RSU1: variants seen among roughly 807,000 people sequenced by gnomAD.
RSU1 encodes the protein rsu-1.
A neutral mutation model predicts 31.1 loss-of-function variants in RSU1; 26 were observed. The observed-to-expected ratio is 0.84, with a 90% CI of 0.61 to 1.16. RSU1 has a LOEUF of 1.16. Ranked by LOEUF, RSU1 falls within the 50% of genes most tolerant of loss-of-function variation. The pLI is 0.00. For missense variants in RSU1, 320 were observed against 339.1 expected, an observed-to-expected ratio of 0.94 and a Z score of 0.44; for synonymous variants, 164 against 136.3, an observed-to-expected ratio of 1.20 and a Z score of -1.41.
chr10:16,777,548 T>G (rs1285213639), intron 3 of RSU1, among the ~76,000 whole-genome samples: 2 of 152,138 alleles, frequency 1.3e-5, no homozygotes, highest in South Asian at 2.1e-4. Context: ...CTGCACAAAA[T>G]TTATTCTCAC....
chr10:16,754,546 CT>C (rs11311165), intron 5 of RSU1, among the ~76,000 whole-genome samples: 37,005 of 134,230 alleles, frequency 0.28, 5,214 homozygotes, highest in African/African-American at 0.51. Flanking sequence ...TAGGAAGATA[CT>C]TTTTTTTTTT....
intron 8 of RSU1, among the ~76,000 whole-genome samples, chr10:16,601,125 T>G (rs978215916): frequency 6.6e-6 from 1 of 152,212 alleles, no homozygotes; most frequent in Non-Finnish European, 1.5e-5. Context: ...TCCGAGCAGC[T>G]GCTCTCCAAG....
chr10:16,667,377 A>C (rs1835015339), intron 8 of RSU1, among the ~76,000 whole-genome samples: 1 of 152,250 alleles, frequency 6.6e-6, no homozygotes, highest in African/African-American at 2.4e-5. Context: ...CTAGCGAGTG[A>C]CATGAACTAG....
chr10:16,784,973 G>C lies in RSU1; in HGVS notation c.110-2889C>G, dbSNP rs1057142765. ...ACTCTTAAACAACTAGATCTCATGA[G>C]AACTCTATCACTATACAGTACAAAG... On this transcript the variant is annotated intron_variant, in intron 2 of 8. Transcript: ENST00000345264. Among the ~76,000 whole-genome samples, 12 of 152,186 alleles carry C rather than the reference G, an allele frequency of 7.9e-5. 1 individual carries two copies. Among genetic ancestry groups the C allele is most frequent in the Admixed American group, 7.9e-4 (12 of 15,280 alleles).
intron 2 of RSU1, among the ~76,000 whole-genome samples, chr10:16,802,517 T>C (rs1838179686): frequency 6.6e-6 from 1 of 152,124 alleles, no homozygotes; most frequent in Non-Finnish European, 1.5e-5. Flanking sequence ...ATTATACCAA[T>C]TCTCTACAAT....
At chr10:16,622,301 CA>C (rs1487945885) in intron 8 of RSU1, among the ~76,000 whole-genome samples, 1 of 152,130 alleles carries the variant, frequency 6.6e-6, no homozygotes, top group Non-Finnish European at 1.5e-5. Context: ...AAATGAAAAA[CA>C]AAAGCATAGA....
chr10:16,739,719 C>T (rs1399349766), intron 7 of RSU1, among the ~76,000 whole-genome samples: 1 of 152,072 alleles, frequency 6.6e-6, no homozygotes, highest in African/African-American at 2.4e-5. Flanking sequence ...TCAAGCAATT[C>T]TCCTGCCTCA....
chr10:16,633,830 C>T (rs1270404223), intron 8 of RSU1, among the ~76,000 whole-genome samples: 4 of 152,154 alleles, frequency 2.6e-5, no homozygotes, highest in African/African-American at 9.7e-5. Context: ...TTGTCCTGCC[C>T]TGGGTGGGTC....
chr10:16,639,580 A>G lies in RSU1; in HGVS notation c.732-46084T>C, dbSNP rs148586527. 1.3e-4 allele frequency among the ~76,000 whole-genome samples: 20 copies of G among 152,344 alleles called. No homozygotes were observed. In the South Asian group the frequency reaches 1.4e-3, roughly 11 times the overall value. On this transcript the variant is annotated intron_variant, in intron 8 of 8. Transcript: ENST00000345264. ...ATGTTTCACATATTTCTGCCAACAT[A>G]TTAACTAATACAGCAAAAGGGATCC...
chr10:16,661,625 A>G (rs1834893108), intron 8 of RSU1, among the ~76,000 whole-genome samples: 1 of 152,212 alleles, frequency 6.6e-6, no homozygotes, highest in African/African-American at 2.4e-5. Flanking sequence ...GCAAAAGCAG[A>G]CACATTTTCC....
At chr10:16,785,039 T>G (rs976665471) in intron 2 of RSU1, among the ~76,000 whole-genome samples, 3 of 152,142 alleles carry the variant, frequency 2.0e-5, no homozygotes, top group African/African-American at 7.2e-5. Context: ...TTGATTGGAT[T>G]GAAAGATGCT....
intron 2 of RSU1, among the ~76,000 whole-genome samples, chr10:16,803,773 AAC>A (rs1838210698): frequency 6.6e-6 from 1 of 152,208 alleles, no homozygotes; most frequent in African/African-American, 2.4e-5. Context: ...GATGGACATC[AAC>A]ACACACACAA....
chr10:16,625,831 G>A (rs1834148678), intron 8 of RSU1, among the ~76,000 whole-genome samples: 1 of 152,194 alleles, frequency 6.6e-6, no homozygotes, highest in South Asian at 2.1e-4. Flanking sequence ...GTCAACACAA[G>A]ATTGAAATCA....
intron 7 of RSU1, among the ~76,000 whole-genome samples, chr10:16,716,088 A>T (rs1450972146): frequency 6.6e-6 from 1 of 152,252 alleles, no homozygotes; most frequent in African/African-American, 2.4e-5. Context: ...TAAAAGAATA[A>T]AATCTCCTTA....
intron 8 of RSU1, among the ~76,000 whole-genome samples, chr10:16,672,142 C>T (rs868612592): frequency 3.6e-5 from 4 of 112,498 alleles, no homozygotes; most frequent in African/African-American, 1.2e-4. Flanking sequence ...ACTAAAAATA[C>T]AAAAAAAAAA....
rs528429989 is a variant in RSU1, at chr10:16,590,937, A to T, written c.*2457T>A. 1.7e-3 allele frequency: 261 copies of T among 152,146 alleles called. 1 individual carries two copies. Among genetic ancestry groups the T allele is most frequent in the African/African-American group, 6.1e-3 (253 of 41,504 alleles). The allele number at this position is 152,146 out of a possible 1,614,324, so 9.4% of individuals were successfully genotyped here. A position where few individuals can be genotyped will look rare whatever the true frequency, so the allele number is the denominator to read the frequency against. On this transcript the variant is annotated 3_prime_UTR_variant, in exon 9 of 9. Transcript: ENST00000345264. ...AACAATTTTTTTTTCTTGGGAACGGAATCTTGCTCTGTCGCCCAGGCTGGA... is the reference window on the plus strand; with the variant it reads ...AACAATTTTTTTTTCTTGGGAACGGTATCTTGCTCTGTCGCCCAGGCTGGA...
intron 7 of RSU1, among the ~76,000 whole-genome samples, chr10:16,722,047 T>C (rs1322073526): frequency 6.6e-6 from 1 of 152,192 alleles, no homozygotes; most frequent in African/African-American, 2.4e-5. Flanking sequence ...TTTTAGTCAC[T>C]CATGGTCCAA....
intron 4 of RSU1, 62 bp downstream of exon 4, chr10:16,764,328 C>G (rs1330286659): frequency 6.7e-7 from 1 of 1,496,970 alleles, no homozygotes; most frequent in Admixed American, 2.1e-5. Context: ...CTCCCCTGGC[C>G]TTACCCGGCA....
At chr10:16,634,232 G>C (rs1487055086) in intron 8 of RSU1, among the ~76,000 whole-genome samples, 1 of 152,206 alleles carries the variant, frequency 6.6e-6, no homozygotes, top group African/African-American at 2.4e-5. Flanking sequence ...ACTCTGTCTG[G>C]TGGGAGGAAA....
Sources: gnomAD v4.1 joint callset for allele counts (sites outside exome capture counted in the v4.1 genomes callset) on GRCh38, gnomAD v4.1.1 for gene constraint, MANE v1.5 for transcripts, NCBI Gene and HGNC (gene_info 2026-07-23, HGNC 2026-07-21) for gene names.